Variants in ARSD observed in about 807,000 individuals in gnomAD.
ARSD encodes the protein testis tissue sperm-binding protein Li 39a.
In ARSD, 21 loss-of-function variants were observed where a neutral mutation model predicts 32.6. The ratio of observed to expected loss-of-function variants is 0.64; its 90% CI spans 0.46 to 0.93. ARSD has a LOEUF of 0.93. Ranked by LOEUF, ARSD falls within the 40% of genes least tolerant of loss-of-function variation. ARSD has a pLI of 0.00. For synonymous variants in ARSD, 224 were observed against 237.4 expected (o/e 0.94, Z 0.52); for missense variants, 454 against 520.9 (o/e 0.87, Z 1.25).
intron 6 of ARSD, chrX:2,913,636 TAGAA>T: frequency 1.0e-6 from 1 of 1,004,512 alleles, no homozygotes; most frequent in Admixed American, 2.7e-5. Flanking sequence ...TTCAAGGCCA[TAGAA>T]GGAAGGTGAC....
At position 2,929,248 on chromosome X, in the gene ARSD, C is replaced by T; in HGVS notation, c.28G>A (p.Ala10Thr). Residue 10 changes from alanine (A) to threonine (T), a missense_variant, in exon 1 of 10, where the codon GCC becomes ACC. Ala to Thr is a moderately conservative substitution (Grantham distance 58). Coordinates refer to ENST00000381154, the MANE Select transcript of ARSD (RefSeq NM_001669.4). MRSAARRGR[A>T]APAARDSLPV... ...CCCAGGCACCTGGCGGCGGGCGCGG[C>T]GCGTCCCCTCCGCGCGGCGGATCGC... The T allele has an allele frequency of 9.7e-7, 1 of 1,033,819 alleles. No individual in the cohort carries two copies. The highest frequency in any genetic ancestry group is 4.6e-5 in the Admixed American group (1 of 21,883). 85.2% of individuals were successfully genotyped at this position (1,033,819 alleles called of 1,213,427 possible). A position where few individuals can be genotyped will look rare whatever the true frequency, so the allele number is the denominator to read the frequency against.
At chrX:2,921,759 A>G (rs2089030821) in intron 3 of ARSD, 144 bp downstream of exon 3, 7 of 768,833 alleles carry the variant, frequency 9.1e-6, no homozygotes, top group Non-Finnish European at 1.3e-5. Context: ...AATATTCCTT[A>G]CATAAATACA....
Position 2,915,714 on chromosome X carries a change from GAGAATACAC to G in ARSD, c.864-31_864-23del, listed in dbSNP as rs1480728787. 3 of 1,200,813 alleles carry G rather than the reference GAGAATACAC, an allele frequency of 2.5e-6. No individual in the cohort carries two copies. The African/African-American group carries it at 5.2e-5, about 21-fold the overall frequency. ...GTGTCTGAAAGAAGAAAACTTCCTT[GAGAATACAC>G]AGAATATACAGTACACCAAAGGGAC... On this transcript the variant is annotated intron_variant, in intron 5 of 9. Coordinates refer to ENST00000381154, the MANE Select transcript of ARSD (RefSeq NM_001669.4).
At chrX:2,920,334 C>G (rs2089016533) in intron 4 of ARSD, 2 of 329,512 alleles carry the variant, frequency 6.1e-6, no homozygotes, top group Non-Finnish European at 1.1e-5. Flanking sequence ...TCAGAGGACA[C>G]AGGATTGTTT....
chrX:2,921,849 C>G, intron 3 of ARSD, 54 bp downstream of exon 3: 2 of 1,173,059 alleles, frequency 1.7e-6, no homozygotes, highest in South Asian at 3.8e-5. Flanking sequence ...TTACAGATGA[C>G]AGAATGAGTG....
At chrX:2,928,233 C>T (rs1177206247) in intron 1 of ARSD, among the ~76,000 whole-genome samples, 3 of 99,611 alleles carry the variant, frequency 3.0e-5, no homozygotes, top group Non-Finnish European at 4.0e-5. Flanking sequence ...GCCAAGGCGC[C>T]GGGGGATGGC....
Position 2,909,949 on chromosome X carries a change from C to A in ARSD, c.1166G>T (p.Gly389Val), listed in dbSNP as rs1161423122. ...GTGGAAGATCCCGGGCACGCGGATCCCACCTTCCCATCCTCCCATGCCCTT... is the reference window on the plus strand; with the variant it reads ...GTGGAAGATCCCGGGCACGCGGATCACACCTTCCCATCCTCCCATGCCCTT... ...GGKGMGGWEG[G>V]IRVPGIFHWP... Residue 389 changes from glycine (G) to valine (V), a missense_variant, in exon 8 of 10, where the codon GGG becomes GTG. Around this residue, in one of 3 missense-constraint regions of ARSD, gnomAD observed 179 missense variants for 198.5 expected, o/e 0.90. Coordinates refer to ENST00000381154, the MANE Select transcript of ARSD (RefSeq NM_001669.4). The A allele has an allele frequency of 2.5e-6, 3 of 1,208,413 alleles. No individual in the cohort carries two copies. The highest frequency in any genetic ancestry group is 2.2e-6 in the Non-Finnish European group (2 of 894,919).
intron 6 of ARSD, chrX:2,914,061 C>G: frequency 1.2e-5 from 8 of 664,240 alleles, no homozygotes; most frequent in Non-Finnish European, 1.4e-5. Context: ...CCTGCAGAAC[C>G]GTGAGCCAAT....
intron 4 of ARSD, among the ~76,000 whole-genome samples, chrX:2,918,471 C>T (rs1413986759): frequency 8.9e-6 from 1 of 112,603 alleles, no homozygotes; most frequent in Non-Finnish European, 1.9e-5. Context: ...AGACTTTCGG[C>T]CGGGCGCGGT....
In ARSD at chrX:2,907,471, G is replaced by A. The variant is rs747115406; in HGVS notation, c.1582C>T (p.Pro528Ser). 7 of 1,207,667 alleles carry A rather than the reference G, an allele frequency of 5.8e-6. No individual in the cohort carries two copies. The Admixed American group carries it at 6.6e-5, about 11-fold the overall frequency. The change falls in exon 10 of 10, where the codon CCC becomes TCC. Residue 528 changes from proline (P) to serine (S), a missense_variant. By Grantham distance (74) the Pro-to-Ser change is moderately conservative (BLOSUM62 -1). Around this residue, in one of 3 missense-constraint regions of ARSD, gnomAD observed 179 missense variants for 198.5 expected, o/e 0.90. Transcript: ENST00000381154. ...DLSRDPSEARPLTPDSEPLYH... is the reference protein window; with the variant it reads ...DLSRDPSEARSLTPDSEPLYH... ...AGGGGCTCGGAGTCGGGGGTCAGGG[G>A]CCGTGCCTCGGAGGGGTCCCTGGAG...
intron 9 of ARSD, 136 bp from the exon 10 acceptor site, chrX:2,907,768 C>T (rs2088864772): frequency 9.6e-7 from 1 of 1,042,360 alleles, no homozygotes; most frequent in South Asian, 3.4e-5. Flanking sequence ...AGGCAGTCCA[C>T]ACAATCACAG....
In ARSD at chrX:2,922,855, A is replaced by G. The variant is rs867307519; in HGVS notation, c.195-831T>C. On this transcript the variant is annotated intron_variant, in intron 2 of 9. Coordinates refer to ENST00000381154, the MANE Select transcript of ARSD (RefSeq NM_001669.4). ...GAGACCGTGTCTCAAAAAAAAAAAAAAAAAAAAAAAAAAAAAGAAAGAAAA... is the reference window on the plus strand; with the variant it reads ...GAGACCGTGTCTCAAAAAAAAAAAAGAAAAAAAAAAAAAAAAGAAAGAAAA... 1.4e-4 allele frequency among the ~76,000 whole-genome samples: 11 copies of G among 79,573 alleles called. No homozygotes were observed. The East Asian group carries it at 4.8e-3, about 35-fold the overall frequency. The allele number at this position is 79,573 out of a possible 115,157, so 69.1% of individuals were successfully genotyped here.
chrX:2,908,540 C>CCG (rs772918701), intron 9 of ARSD, among the ~76,000 whole-genome samples, 181 bp downstream of exon 9: 156 of 100,573 alleles, frequency 1.6e-3, no homozygotes, highest in African/African-American at 5.1e-3. Context: ...TCTCTCCCCC[C>CCG]CCCATCATCT....
rs182751608 is a variant in ARSD at position 2,922,090 on chromosome X, C to G, written c.195-66G>C. The G allele has an allele frequency of 2.6e-5, 29 of 1,114,397 alleles. No homozygotes were observed. The African/African-American group carries it at 4.0e-4, about 15-fold the overall frequency. The allele number at this position is 1,114,397 out of a possible 1,213,427, so 91.8% of individuals were successfully genotyped here. A position where few individuals can be genotyped will look rare whatever the true frequency, so the allele number is the denominator to read the frequency against. On this transcript the variant is annotated intron_variant, in intron 2 of 9. Coordinates refer to ENST00000381154, the MANE Select transcript of ARSD (RefSeq NM_001669.4). ...TGCATTTGGCTTAAGCAGATCCCTG[C>G]TCTGAAAGGCACAGGAATAGCTGCA... is the stretch of plus-strand genomic sequence containing the variant.
At chrX:2,913,671 T>G in intron 6 of ARSD, 1 of 983,691 alleles carries the variant, frequency 1.0e-6, no homozygotes. Flanking sequence ...TGTCCGAACT[T>G]TATTGCTTTA....
chrX:2,916,184 T>C (rs911568055), intron 5 of ARSD, among the ~76,000 whole-genome samples: 1 of 98,743 alleles, frequency 1.0e-5, no homozygotes, highest in Non-Finnish European at 2.0e-5. Context: ...AATGGAATAC[T>C]ATTCAGCCAT....
intron 6 of ARSD, chrX:2,913,486 A>T: frequency 1.1e-6 from 1 of 919,307 alleles, no homozygotes; most frequent in South Asian, 2.6e-5. Flanking sequence ...GGGCCTTCGA[A>T]TTTATTTTTG....
Position 2,926,617 on chromosome X carries a change from G to A in ARSD, c.45-852C>T, listed in dbSNP as rs527265356. On this transcript the variant is annotated intron_variant, in intron 1 of 9. Transcript: ENST00000381154. ...ACAGGTCAGAACAAACTGGAATGGAGTCACTTGTGTTAACTGCCACATCGT... is the reference window on the plus strand; with the variant it reads ...ACAGGTCAGAACAAACTGGAATGGAATCACTTGTGTTAACTGCCACATCGT... 3.3e-4 allele frequency among the ~76,000 whole-genome samples: 37 copies of A among 111,529 alleles called. No homozygotes were observed. In the South Asian group the frequency reaches 0.014, roughly 42 times the overall value.
At chrX:2,920,535 C>G (rs751810609) in intron 4 of ARSD, 66 bp downstream of exon 4, 13 of 1,202,256 alleles carry the variant, frequency 1.1e-5, no homozygotes, top group Middle Eastern at 4.6e-4. Flanking sequence ...CACGCCTGGC[C>G]TGGGATCTTT....
Sources: gnomAD v4.1 joint callset for allele counts (sites outside exome capture counted in the v4.1 genomes callset) on GRCh38, gnomAD v4.1.1 for gene constraint, gnomAD v4.1.1 regional missense constraint, MANE v1.5 for transcripts, NCBI Gene and HGNC (gene_info 2026-07-23, HGNC 2026-07-21) for gene names.